Variants in DPP10 observed in about 807,000 individuals in gnomAD.
DPP10 encodes the protein dipeptidyl peptidase like 10.
Under a neutral mutation model 120.9 loss-of-function variants are expected in DPP10, and 33 were observed. That is an observed-to-expected ratio of 0.27 (90% confidence interval 0.21 to 0.37). The LOEUF is 0.37. DPP10 is among the 10% of genes least tolerant of loss of function. DPP10 has a pLI of 1.00. For synonymous variants in DPP10, 337 were observed against 326.1 expected (o/e 1.03, Z -0.36); for missense variants, 816 against 942.8 (o/e 0.87, Z 1.76).
intron 1 of DPP10, among the ~76,000 whole-genome samples, chr2:115,150,194 G>C (rs775932590): frequency 6.6e-5 from 10 of 152,316 alleles, no homozygotes; most frequent in Non-Finnish European, 1.0e-4. Flanking sequence ...GAAGGGGACT[G>C]CTTCAGTATC....
At chr2:114,524,311 A>G (rs146549890) in intron 1 of DPP10, among the ~76,000 whole-genome samples, 3,272 of 152,270 alleles carry the variant, frequency 0.021, 41 homozygotes, top group Non-Finnish European at 0.034. Flanking sequence ...AAAGTCCTGA[A>G]CTAATCTTAG....
intron 7 of DPP10, among the ~76,000 whole-genome samples, chr2:115,714,512 C>T (rs150674998): frequency 6.6e-6 from 1 of 152,214 alleles, no homozygotes; most frequent in East Asian, 1.9e-4. Flanking sequence ...GAAAGTGTCT[C>T]CCTCTTATCT....
At chr2:114,456,637 A>G (rs1352597537) in intron 1 of DPP10, among the ~76,000 whole-genome samples, 2 of 152,242 alleles carry the variant, frequency 1.3e-5, no homozygotes, top group African/African-American at 2.4e-5. Context: ...ATAATGAAGT[A>G]TATATACACT....
chr2:114,503,968 G>T (rs1289393969), intron 1 of DPP10, among the ~76,000 whole-genome samples: 1 of 152,178 alleles, frequency 6.6e-6, no homozygotes, highest in East Asian at 1.9e-4. Flanking sequence ...GTAGTAAAGA[G>T]CTTACCTTGA....
intron 1 of DPP10, among the ~76,000 whole-genome samples, chr2:115,100,454 T>TAA (rs199935117): frequency 2.2e-5 from 3 of 134,066 alleles, no homozygotes; most frequent in Non-Finnish European, 4.8e-5. Context: ...ACGTCTAAAT[T>TAA]AAAAAACACA....
chr2:114,966,505 T>G (rs1415111220), intron 1 of DPP10, among the ~76,000 whole-genome samples: 1 of 152,190 alleles, frequency 6.6e-6, no homozygotes, highest in Non-Finnish European at 1.5e-5. Context: ...TTCTCCAATA[T>G]GTTGAAGCAT....
chr2:114,855,403 A>G (rs1022043264), intron 1 of DPP10, among the ~76,000 whole-genome samples: 4 of 152,220 alleles, frequency 2.6e-5, no homozygotes, highest in African/African-American at 9.6e-5. Context: ...TCCACTTAAG[A>G]CATATTCTTA....
intron 1 of DPP10, among the ~76,000 whole-genome samples, chr2:114,581,903 A>G (rs749154908): frequency 6.6e-6 from 1 of 152,216 alleles, no homozygotes; most frequent in Non-Finnish European, 1.5e-5. Flanking sequence ...TGTTAACAAC[A>G]TACTGTACCA....
intron 5 of DPP10, among the ~76,000 whole-genome samples, chr2:115,556,965 C>T (rs1411339466): frequency 1.3e-5 from 2 of 152,110 alleles, no homozygotes; most frequent in African/African-American, 4.8e-5. Flanking sequence ...AGTCACGGAA[C>T]AGTACAAAAC....
intron 1 of DPP10, among the ~76,000 whole-genome samples, chr2:114,539,901 T>G (rs1195374256): frequency 2.0e-5 from 3 of 152,294 alleles, no homozygotes; most frequent in Non-Finnish European, 4.4e-5. Flanking sequence ...TTTATATTCT[T>G]TTATATTCTT....
chr2:114,927,579 C>T (rs1260828832), intron 1 of DPP10, among the ~76,000 whole-genome samples: 2 of 152,042 alleles, frequency 1.3e-5, no homozygotes, highest in Admixed American at 6.5e-5. Context: ...AGAGGGCAAT[C>T]GGAATATGCA....
chr2:115,768,416 CT>C lies in DPP10; in HGVS notation c.1221+18del. ...TGTTCCTCATCCAGGTAAGTGCTGGCTTTTTTCCATGTTTTGATTTCATTGT... is the reference window on the plus strand; with the variant it reads ...TGTTCCTCATCCAGGTAAGTGCTGGCTTTTTCCATGTTTTGATTTCATTGT... On this transcript the variant is annotated intron_variant, in intron 13 of 25. Coordinates refer to ENST00000410059, the MANE Select transcript of DPP10 (RefSeq NM_020868.6). The C allele has an allele frequency of 6.2e-7, 1 of 1,606,610 alleles. No individual in the cohort carries two copies.
chr2:115,546,223 T>A (rs755280383), intron 5 of DPP10, among the ~76,000 whole-genome samples: 1 of 152,174 alleles, frequency 6.6e-6, no homozygotes. Flanking sequence ...ACCTACTTGA[T>A]CAGCTTCCAG....
At chr2:115,698,174 C>T (rs2149522696) in intron 7 of DPP10, among the ~76,000 whole-genome samples, 1 of 152,212 alleles carries the variant, frequency 6.6e-6, no homozygotes, top group East Asian at 1.9e-4. Flanking sequence ...AAGATCTTCT[C>T]TGATCACAAT....
At chr2:115,779,573 G>A (rs1682508091) in intron 15 of DPP10, among the ~76,000 whole-genome samples, 1 of 151,996 alleles carries the variant, frequency 6.6e-6, no homozygotes. Context: ...CAGGGAGCTT[G>A]GATCTAAAAG....
Position 115,333,463 on chromosome 2 carries a change from A to G in DPP10, c.176-10354A>G, listed in dbSNP as rs972573474. ...TGTTATGTGTGAATTTGATCCTGTC[A>G]GTATGATGTTAGCTGGTTATTTTGC... On this transcript the variant is annotated intron_variant, in intron 2 of 25. Transcript: ENST00000410059. 1.1e-4 allele frequency among the ~76,000 whole-genome samples: 16 copies of G among 152,240 alleles called. No homozygotes were observed. In the East Asian group the frequency reaches 1.4e-3, roughly 13 times the overall value.
intron 1 of DPP10, among the ~76,000 whole-genome samples, chr2:115,070,335 A>G (rs542449488): frequency 6.6e-6 from 1 of 151,958 alleles, no homozygotes; most frequent in African/African-American, 2.4e-5. Context: ...TAATTTTTAA[A>G]TAAAACTAAA....
intron 5 of DPP10, among the ~76,000 whole-genome samples, chr2:115,660,872 T>A (rs1173981080): frequency 6.6e-6 from 1 of 152,080 alleles, no homozygotes; most frequent in Non-Finnish European, 1.5e-5. Context: ...AGTTCTGGGA[T>A]AATTCTTAAA....
Position 115,805,389 on chromosome 2 carries a change from G to A in DPP10, c.1701-9404G>A, listed in dbSNP as rs547862404. Among the ~76,000 whole-genome samples the A allele has an allele frequency of 7.2e-5, 11 of 152,174 alleles. No individual in the cohort carries two copies. The South Asian group carries it at 8.3e-4, about 11-fold the overall frequency. On this transcript the variant is annotated intron_variant, in intron 19 of 25. Coordinates refer to ENST00000410059, the MANE Select transcript of DPP10 (RefSeq NM_020868.6). Reference sequence around the variant, plus strand: ...ACCCCTTGCGCTTCCCGGGTGAGGCGATGCCTCGCCCTGCTTTGGCTCACA... The same window carrying A: ...ACCCCTTGCGCTTCCCGGGTGAGGCAATGCCTCGCCCTGCTTTGGCTCACA...
Sources: gnomAD v4.1 joint callset for allele counts (sites outside exome capture counted in the v4.1 genomes callset) on GRCh38, gnomAD v4.1.1 for gene constraint, MANE v1.5 for transcripts, NCBI Gene and HGNC (gene_info 2026-07-23, HGNC 2026-07-21) for gene names.